SRPK2: variants seen among roughly 807,000 people sequenced by gnomAD.
SRPK2 encodes the protein SFRS protein kinase 2.
Under a neutral mutation model 90.8 loss-of-function variants are expected in SRPK2, and 21 were observed. The ratio of observed to expected loss-of-function variants is 0.23; its 90% confidence interval spans 0.16 to 0.33. The LOEUF is 0.33. Among genes scored for constraint, SRPK2 ranks in the 10% least tolerant of loss-of-function variants. The pLI is 1.00. For missense variants in SRPK2, 620 were observed against 869.0 expected, an observed-to-expected ratio of 0.71 and a Z score of 3.60; for synonymous variants, 288 against 311.1, an observed-to-expected ratio of 0.93 and a Z score of 0.78.
At chr7:105,141,256 G>A (rs1025762510) in intron 11 of SRPK2, among the ~76,000 whole-genome samples, 11 of 152,164 alleles carry the variant, frequency 7.2e-5, no homozygotes, top group Non-Finnish European at 1.3e-4. Context: ...CTGTTTGCAG[G>A]GCTGGCTCAT....
chr7:105,243,970 A>G (rs1488675772), intron 2 of SRPK2, among the ~76,000 whole-genome samples: 1 of 152,256 alleles, frequency 6.6e-6, no homozygotes, highest in Non-Finnish European at 1.5e-5. Flanking sequence ...GCCATTAATA[A>G]GATGAGTGTG....
intron 2 of SRPK2, among the ~76,000 whole-genome samples, chr7:105,269,838 ATCC>A (rs1169377411): frequency 6.6e-6 from 1 of 152,230 alleles, no homozygotes; most frequent in Non-Finnish European, 1.5e-5. Flanking sequence ...CTGTTTTCCT[ATCC>A]CTAATAAGTA....
In SRPK2 at chr7:105,388,579, C is replaced by G. The variant is rs1331698119; in HGVS notation, c.71+69G>C. Reference sequence around the variant, plus strand: ...GGCCCGGGGACCCGGACAACTTTCCCCTGCGCGGCCGCGGGCGCCCCCGAC... The same window carrying G: ...GGCCCGGGGACCCGGACAACTTTCCGCTGCGCGGCCGCGGGCGCCCCCGAC... On this transcript the variant is annotated intron_variant, in intron 2 of 15. Coordinates refer to ENST00000393651, the MANE Select transcript of SRPK2 (RefSeq NM_182692.3). 8.2e-6 allele frequency: 12 copies of G among 1,458,942 alleles called. 1 individual carries two copies. In the South Asian group the frequency reaches 1.5e-4, roughly 18 times the overall value. 90.4% of individuals were successfully genotyped at this position (1,458,942 alleles called of 1,614,324 possible).
At chr7:105,149,823 C>T (rs2129578398) in intron 7 of SRPK2, among the ~76,000 whole-genome samples, 1 of 152,314 alleles carries the variant, frequency 6.6e-6, no homozygotes, top group East Asian at 1.9e-4. Context: ...AGGAATACCT[C>T]TTAAAAACGA....
chr7:105,283,056 T>G (rs1454488350), intron 2 of SRPK2, among the ~76,000 whole-genome samples: 1 of 152,160 alleles, frequency 6.6e-6, no homozygotes, highest in African/African-American at 2.4e-5. Flanking sequence ...TCCACATCAT[T>G]TGTCATCACA....
intron 2 of SRPK2, among the ~76,000 whole-genome samples, chr7:105,261,910 A>G (rs1439388999): frequency 1.3e-5 from 2 of 152,202 alleles, no homozygotes; most frequent in African/African-American, 2.4e-5. Context: ...GGATGGGAAC[A>G]GCAAAACAGC....
chr7:105,260,521 T>G (rs755006258), intron 2 of SRPK2, among the ~76,000 whole-genome samples: 2 of 152,150 alleles, frequency 1.3e-5, no homozygotes, highest in Non-Finnish European at 2.9e-5. Context: ...GACCCAGCAA[T>G]CCCATTACTG....
At chr7:105,330,293 C>T (rs1459464282) in intron 2 of SRPK2, among the ~76,000 whole-genome samples, 1 of 151,600 alleles carries the variant, frequency 6.6e-6, no homozygotes, top group Admixed American at 6.6e-5. Flanking sequence ...GCCGAGATCG[C>T]GCCACTGCAC....
chr7:105,219,266 T>C (rs1056014322), intron 2 of SRPK2, among the ~76,000 whole-genome samples: 1 of 152,060 alleles, frequency 6.6e-6, no homozygotes, highest in Non-Finnish European at 1.5e-5. Flanking sequence ...TAAGAAACAG[T>C]CTTTATGATG....
At chr7:105,149,417 C>G (rs553397188) in intron 7 of SRPK2, among the ~76,000 whole-genome samples, 1 of 152,118 alleles carries the variant, frequency 6.6e-6, no homozygotes, top group Non-Finnish European at 1.5e-5. Flanking sequence ...TGTTGCTGAC[C>G]TTCTCCTTAT....
chr7:105,363,129 ATACATATGTAATAAAGC>A (rs1818625760), intron 2 of SRPK2, among the ~76,000 whole-genome samples: 1 of 152,212 alleles, frequency 6.6e-6, no homozygotes, highest in Admixed American at 6.6e-5. Context: ...TGGCACATGT[ATACATATGTAATAAAGC>A]TGCACGTTGT....
intron 2 of SRPK2, among the ~76,000 whole-genome samples, chr7:105,311,299 C>A (rs1811684853): frequency 6.6e-6 from 1 of 152,066 alleles, no homozygotes; most frequent in Non-Finnish European, 1.5e-5. Flanking sequence ...ATGGCGCGAT[C>A]TGGACTTACT....
At position 105,254,176 on chromosome 7, in the gene SRPK2, C is replaced by T. The variant is rs558910220; in HGVS notation, c.72-50391G>A. ...GCTGATTGTACTGATCTTTGACTTA[C>T]CCACACCCAATTAACACAGAAAGTA... On this transcript the variant is annotated intron_variant, in intron 2 of 15. Coordinates refer to ENST00000393651, the MANE Select transcript of SRPK2 (RefSeq NM_182692.3). Among the ~76,000 whole-genome samples, 4 of 152,260 alleles carry T rather than the reference C, an allele frequency of 2.6e-5. No homozygotes were observed. The South Asian group carries it at 8.3e-4, about 32-fold the overall frequency.
At chr7:105,386,543 G>A (rs1219629171) in intron 2 of SRPK2, among the ~76,000 whole-genome samples, 1 of 151,136 alleles carries the variant, frequency 6.6e-6, no homozygotes, top group Non-Finnish European at 1.5e-5. Context: ...GTGAAACCCC[G>A]TCTCTACTAA....
chr7:105,245,601 TTTG>T (rs777872299), intron 2 of SRPK2, among the ~76,000 whole-genome samples: 1 of 152,078 alleles, frequency 6.6e-6, no homozygotes, highest in Non-Finnish European at 1.5e-5. Context: ...GACGGAAGCA[TTTG>T]GAGAGGACTC....
At chr7:105,292,678 T>G (rs1809218211) in intron 2 of SRPK2, among the ~76,000 whole-genome samples, 1 of 152,174 alleles carries the variant, frequency 6.6e-6, no homozygotes, top group African/African-American at 2.4e-5. Context: ...ATTGTTTTTC[T>G]GTTTTATTCC....
intron 2 of SRPK2, among the ~76,000 whole-genome samples, chr7:105,229,910 T>G (rs749811647): frequency 2.0e-5 from 3 of 152,222 alleles, no homozygotes; most frequent in Non-Finnish European, 4.4e-5. Context: ...AGTTTTTATT[T>G]TAAGTACTAA....
chr7:105,272,766 G>A (rs1671133654), intron 2 of SRPK2, among the ~76,000 whole-genome samples: 1 of 152,032 alleles, frequency 6.6e-6, no homozygotes, highest in African/African-American at 2.4e-5. Context: ...GACAGTCTCT[G>A]CATGGCTTGA....
At chr7:105,383,214 G>A (rs1476925778) in intron 2 of SRPK2, among the ~76,000 whole-genome samples, 6 of 150,166 alleles carry the variant, frequency 4.0e-5, no homozygotes, top group African/African-American at 9.8e-5. Flanking sequence ...ATAGGTGCCC[G>A]CCACCATGCC....
Sources: gnomAD v4.1 joint callset for allele counts (sites outside exome capture counted in the v4.1 genomes callset) on GRCh38, gnomAD v4.1.1 for gene constraint, MANE v1.5 for transcripts, NCBI Gene and HGNC (gene_info 2026-07-23, HGNC 2026-07-21) for gene names.